The following ANKRD28 variants were observed in gnomAD, a reference collection of about 807,000 sequenced individuals.
ANKRD28 encodes serine/threonine-protein phosphatase 6 regulatory ankyrin repeat subunit A.
In ANKRD28, 44 loss-of-function variants were observed where a neutral mutation model predicts 126.5. The ratio of observed to expected loss-of-function variants is 0.35; its 90% CI spans 0.27 to 0.45. The LOEUF is 0.45. Among genes scored for constraint, ANKRD28 ranks in the 20% least tolerant of loss-of-function variants. The pLI is 1.00. For missense variants in ANKRD28, 1,110 were observed against 1,316.6 expected (o/e 0.84, Z 2.43); for synonymous variants, 442 against 468.5 (o/e 0.94, Z 0.73).
At chr3:15,766,185 A>G (rs73038264) in intron 3 of ANKRD28, 49 bp downstream of exon 3, 64,493 of 1,429,052 alleles carry the variant, frequency 0.045, 1,723 homozygotes, top group Non-Finnish European at 0.051. Context: ...AACATTAAGA[A>G]TAACAAAAAT....
chr3:15,798,104 A>C (rs2060359943), upstream of ANKRD28: 1 of 985,292 alleles, frequency 1.0e-6, no homozygotes, highest in African/African-American at 1.7e-5. Context: ...AAAATTCTAT[A>C]ACTGAAAAAT....
At position 15,685,456 on chromosome 3, in the gene ANKRD28, A is replaced by G; in HGVS notation, c.2170-11T>C. ...ATGGCCTGTAACTGCCTGAAAGAAA[A>G]TAATTTAAAGGTAGTCAAACATATT... On this transcript the variant is annotated splice_polypyrimidine_tract_variant and intron_variant, in intron 20 of 27. Transcript: ENST00000683139. 1 of 1,613,222 alleles carries G rather than the reference A, an allele frequency of 6.2e-7. No individual in the cohort carries two copies. The highest frequency in any genetic ancestry group is 1.7e-4 in the Middle Eastern group (1 of 6,060).
intron 26 of ANKRD28, 165 bp from the exon 27 acceptor site, chr3:15,676,154 C>G (rs779058247): frequency 2.0e-5 from 10 of 497,898 alleles, no homozygotes; most frequent in Non-Finnish European, 3.2e-5. Flanking sequence ...AGAGCAGAAC[C>G]TCTGTGCAGT....
chr3:15,823,499 T>C (rs2060989233), intron 1 of ANKRD28, among the ~76,000 whole-genome samples: 1 of 152,132 alleles, frequency 6.6e-6, no homozygotes. Flanking sequence ...TAAATTCTTC[T>C]CAAAATAAAA....
intron 1 of ANKRD28, among the ~76,000 whole-genome samples, chr3:15,857,756 G>C (rs2061805690): frequency 6.6e-6 from 1 of 152,182 alleles, no homozygotes; most frequent in Non-Finnish European, 1.5e-5. Context: ...ACCTAATGGT[G>C]AATCAAATAT....
Position 15,741,697 on chromosome 3 carries a change from C to CTTTTTTTTTTTTTTTTTTTTTTTTTTTT in ANKRD28, c.352-4492_352-4465dup, listed in dbSNP as rs58655271. Among the ~76,000 whole-genome samples the CTTTTTTTTTTTTTTTTTTTTTTTTTTTT allele has an allele frequency of 1.5e-4, 5 of 33,664 alleles. 1 individual carries two copies. Among genetic ancestry groups the CTTTTTTTTTTTTTTTTTTTTTTTTTTTT allele is most frequent in the African/African-American group, 1.8e-4 (2 of 11,130 alleles). The allele number at this position is 33,664 out of a possible 152,430, so 22.1% of individuals were successfully genotyped here. On this transcript the variant is annotated intron_variant, in intron 4 of 27. Coordinates refer to ENST00000683139, the MANE Select transcript of ANKRD28 (RefSeq NM_001349278.2). ...ACCAGTTTTCCCCTTTGGTTCTATC[C>CTTTTTTTTTTTTTTTTTTTTTTTTTTTT]TTTTTTTTTTTTTTTTTTTTTTTTT...
chr3:15,701,336 T>A (rs1470573326), intron 14 of ANKRD28, among the ~76,000 whole-genome samples: 1 of 151,920 alleles, frequency 6.6e-6, no homozygotes, highest in Non-Finnish European at 1.5e-5. Context: ...TTCTTTGGAG[T>A]CAAGCATAAT....
At chr3:15,826,442 A>C (rs1471229481) in intron 1 of ANKRD28, among the ~76,000 whole-genome samples, 2 of 152,206 alleles carry the variant, frequency 1.3e-5, no homozygotes, top group African/African-American at 4.8e-5. Flanking sequence ...AATTTTAGAA[A>C]ACATAACAGT....
Position 15,676,963 on chromosome 3 carries a change from A to T in ANKRD28, c.2873+11T>A, listed in dbSNP as rs1165227901. 4 of 1,605,748 alleles carry T rather than the reference A, an allele frequency of 2.5e-6. No homozygotes were observed. The highest frequency in any genetic ancestry group is 3.4e-6 in the Non-Finnish European group (4 of 1,172,856). On this transcript the variant is annotated intron_variant, in intron 26 of 27. Coordinates refer to ENST00000683139, the MANE Select transcript of ANKRD28 (RefSeq NM_001349278.2). Reference sequence around the variant, plus strand: ...GTCACAAAGTTTATACTAGATACTGACAGTACTCACGTTTGCAAGGCTGCG... The same window carrying T: ...GTCACAAAGTTTATACTAGATACTGTCAGTACTCACGTTTGCAAGGCTGCG...
At chr3:15,742,788 C>T (rs1319688659) in intron 4 of ANKRD28, among the ~76,000 whole-genome samples, 6 of 143,514 alleles carry the variant, frequency 4.2e-5, no homozygotes, top group Admixed American at 6.9e-5. Context: ...GCCACCCGGT[C>T]CGGGAGGTGA....
intron 6 of ANKRD28, among the ~76,000 whole-genome samples, chr3:15,731,441 C>T (rs1163005534): frequency 6.6e-6 from 1 of 152,118 alleles, no homozygotes; most frequent in Non-Finnish European, 1.5e-5. Context: ...AAGAGTAAGC[C>T]ACACCAGAAT....
intron 3 of ANKRD28, among the ~76,000 whole-genome samples, chr3:15,762,941 G>C (rs1478451243): frequency 6.6e-6 from 1 of 152,208 alleles, no homozygotes; most frequent in Admixed American, 6.5e-5. Flanking sequence ...GAGGTGCTAA[G>C]AGGTAAGGCC....
chr3:15,752,253 A>C (rs1289049438), intron 3 of ANKRD28, among the ~76,000 whole-genome samples: 1 of 152,176 alleles, frequency 6.6e-6, no homozygotes, highest in Non-Finnish European at 1.5e-5. Context: ...AGGTAATATG[A>C]TAACATCAAA....
chr3:15,814,857 T>C lies in ANKRD28; in HGVS notation c.28-19551A>G, dbSNP rs2060800339. Among the ~76,000 whole-genome samples, 1 of 150,560 alleles carries C rather than the reference T, an allele frequency of 6.6e-6. No individual in the cohort carries two copies. The highest frequency in any genetic ancestry group is 2.1e-4 in the South Asian group (1 of 4,820). ...CACTGCAATATCTCTCAAAGAAAACTCTGGTAATTTTATACATATATTATA... is the reference window on the plus strand; with the variant it reads ...CACTGCAATATCTCTCAAAGAAAACCCTGGTAATTTTATACATATATTATA... On this transcript the variant is annotated intron_variant, in intron 1 of 27. Coordinates refer to the ANKRD28 transcript ENST00000399451. The surrounding 1 kb of genome is among the most constrained non-coding windows in gnomAD (Gnocchi z 4.7).
intron 24 of ANKRD28, among the ~76,000 whole-genome samples, chr3:15,677,829 C>T (rs1290307315): frequency 6.6e-6 from 1 of 151,964 alleles, no homozygotes; most frequent in Non-Finnish European, 1.5e-5. Flanking sequence ...GTTTTATATG[C>T]TCTGGATTTA....
intron 1 of ANKRD28, among the ~76,000 whole-genome samples, chr3:15,809,711 G>A (rs1452423551): frequency 1.3e-5 from 2 of 152,044 alleles, no homozygotes; most frequent in African/African-American, 4.8e-5. Flanking sequence ...ATTTGAGTTG[G>A]ATTTCTGTCA....
chr3:15,679,796 G>A (rs1003302947), intron 21 of ANKRD28, among the ~76,000 whole-genome samples: 26 of 151,968 alleles, frequency 1.7e-4, no homozygotes, highest in South Asian at 6.2e-4. Context: ...CTCTGTATCC[G>A]TGGGTTCTGC....
At chr3:15,765,223 C>G (rs954707708) in intron 3 of ANKRD28, among the ~76,000 whole-genome samples, 10 of 152,006 alleles carry the variant, frequency 6.6e-5, no homozygotes, top group Non-Finnish European at 2.9e-5. Flanking sequence ...TGGGACTGCA[C>G]GTAGTCTGAC....
intron 2 of ANKRD28, among the ~76,000 whole-genome samples, chr3:15,778,438 T>C (rs2059395698): frequency 6.6e-6 from 1 of 152,118 alleles, no homozygotes; most frequent in Non-Finnish European, 1.5e-5. Context: ...AAAAATCTGT[T>C]TTTTGGCTCA....
Sources: allele counts gnomAD v4.1 joint callset (sites outside exome capture counted in the v4.1 genomes callset), GRCh38; gene constraint gnomAD v4.1.1; non-coding constraint Gnocchi (gnomAD v3.1); transcripts MANE v1.5; gene names NCBI Gene and HGNC (gene_info 2026-07-23, HGNC 2026-07-21).